The following PRDM10 variants were observed in gnomAD, a reference collection of about 807,000 sequenced individuals.
The protein encoded by PRDM10 is PR domain zinc finger protein 10.
Under a neutral mutation model 133.1 loss-of-function variants are expected in PRDM10, and 65 were observed. The ratio of observed to expected loss-of-function variants is 0.49; its 90% CI spans 0.40 to 0.60. The LOEUF is 0.60. Ranked by LOEUF, PRDM10 falls within the 20% of genes least tolerant of loss-of-function variation. PRDM10 has a pLI of 0.00. For missense variants in PRDM10, 1,137 were observed against 1,507.1 expected (o/e 0.75, Z 4.07); for synonymous variants, 582 against 580.4 (o/e 1.00, Z -0.04).
At position 129,946,267 on chromosome 11, in the gene PRDM10, A is replaced by T. The variant is rs972296579; in HGVS notation, c.520+878T>A. Reference sequence around the variant, plus strand: ...CCTGTCTCAAAATTAAAGAAAAAAAAACAAAAACAAACAAAAAGAAAAGAA... The same window carrying T: ...CCTGTCTCAAAATTAAAGAAAAAAATACAAAAACAAACAAAAAGAAAAGAA... On this transcript the variant is annotated intron_variant, in intron 5 of 20. Coordinates refer to ENST00000360871, the MANE Select transcript of PRDM10 (RefSeq NM_199437.2). Among the ~76,000 whole-genome samples the T allele has an allele frequency of 2.0e-5, 3 of 152,180 alleles. No homozygotes were observed. In the East Asian group the frequency reaches 5.8e-4, roughly 29 times the overall value.
intron 4 of PRDM10, among the ~76,000 whole-genome samples, chr11:129,954,647 C>T (rs890107415): frequency 2.6e-5 from 4 of 151,880 alleles, no homozygotes; most frequent in Non-Finnish European, 5.9e-5. Context: ...GTCACACTAC[C>T]TGACATGAAA....
At chr11:129,906,030 A>G (rs1303220847) in intron 19 of PRDM10, among the ~76,000 whole-genome samples, 1 of 152,208 alleles carries the variant, frequency 6.6e-6, no homozygotes, top group Admixed American at 6.5e-5. Flanking sequence ...ATACGTCACA[A>G]AGAGTTACCT....
chr11:129,905,183 G>A (rs1377349438), intron 20 of PRDM10, among the ~76,000 whole-genome samples: 1 of 152,054 alleles, frequency 6.6e-6, no homozygotes, highest in Admixed American at 6.5e-5. Context: ...CCAGCATGGT[G>A]AAACCCCATC....
At chr11:129,984,338 A>G (rs1323448376) in intron 1 of PRDM10, among the ~76,000 whole-genome samples, 3 of 152,210 alleles carry the variant, frequency 2.0e-5, no homozygotes, top group Non-Finnish European at 4.4e-5. Flanking sequence ...TTCTAGACTT[A>G]TATTTCAACA....
Position 129,957,857 on chromosome 11 carries a change from G to A in PRDM10, c.123C>T (p.Asp41=), listed in dbSNP as rs1471966820. The A allele has an allele frequency of 1.2e-6, 2 of 1,613,930 alleles. No homozygotes were observed. The highest frequency in any genetic ancestry group is 1.7e-6 in the Non-Finnish European group (2 of 1,179,966). Residue 41 remains aspartate (D), a synonymous_variant, in exon 3 of 21, where the codon GAC becomes GAT. Transcript: ENST00000360871. ...GTVAQIVYTD[D]QVRPPQQVVY... ...CCACCTGCTGTGGGGGGCGAACCTG[G>A]TCATCGGTATAGACAATCTGAGCCA...
chr11:129,958,469 C>T (rs559293149), intron 2 of PRDM10, among the ~76,000 whole-genome samples: 3 of 152,188 alleles, frequency 2.0e-5, no homozygotes, highest in East Asian at 1.9e-4. Context: ...TGGTGAAACC[C>T]TGTCTCTACT....
intron 17 of PRDM10, among the ~76,000 whole-genome samples, chr11:129,913,433 A>T (rs551832533): frequency 3.0e-4 from 45 of 152,160 alleles, no homozygotes; most frequent in South Asian, 6.2e-4. Context: ...GAGAGGGAAG[A>T]TAGTTCCTGA....
chr11:129,995,814 C>T (rs907552606), intron 1 of PRDM10, among the ~76,000 whole-genome samples: 4 of 151,974 alleles, frequency 2.6e-5, no homozygotes, highest in African/African-American at 9.7e-5. Context: ...GGTGTGATGG[C>T]GGGCTCCTGT....
At chr11:129,977,595 A>T (rs1255504545) in intron 1 of PRDM10, among the ~76,000 whole-genome samples, 1 of 152,048 alleles carries the variant, frequency 6.6e-6, no homozygotes, top group Admixed American at 6.6e-5. Context: ...CATTTTTTTT[A>T]ATTCCACTAA....
At chr11:129,992,555 G>A (rs1565516342) in intron 1 of PRDM10, among the ~76,000 whole-genome samples, 2 of 152,236 alleles carry the variant, frequency 1.3e-5, no homozygotes, top group African/African-American at 4.8e-5. Flanking sequence ...TGTTGTAGCC[G>A]TGCTCTCCCA....
At chr11:129,929,494 G>C (rs1292840388) in intron 11 of PRDM10, 3 of 1,332,478 alleles carry the variant, frequency 2.3e-6, no homozygotes, top group African/African-American at 3.0e-5. Flanking sequence ...CCTTCAGTTG[G>C]TCATTACCAA....
chr11:129,943,145 T>C (rs1276806709), intron 6 of PRDM10, among the ~76,000 whole-genome samples: 1 of 152,170 alleles, frequency 6.6e-6, no homozygotes, highest in Non-Finnish European at 1.5e-5. Context: ...CTTTCCTAGT[T>C]CTCTGGAGTG....
At chr11:129,964,509 C>T (rs1951865248) in intron 1 of PRDM10, among the ~76,000 whole-genome samples, 2 of 152,172 alleles carry the variant, frequency 1.3e-5, no homozygotes, top group Non-Finnish European at 2.9e-5. Flanking sequence ...TACATATATA[C>T]TCTCTCCCTC....
chr11:129,968,873 C>A (rs1220033611), intron 1 of PRDM10, among the ~76,000 whole-genome samples: 1 of 152,154 alleles, frequency 6.6e-6, no homozygotes, highest in Non-Finnish European at 1.5e-5. Context: ...AGAAACATAG[C>A]AAACGATGAG....
rs527528918 is a variant in PRDM10, at chr11:129,944,539, CG to C, written c.762+231del. Reference sequence around the variant, plus strand: ...GGCGGAGCTTGCAGTGAGCCGAGATCGCGCCACTGCACTCCAGCCTGGGCGA... The same window carrying C: ...GGCGGAGCTTGCAGTGAGCCGAGATCCGCCACTGCACTCCAGCCTGGGCGA... On this transcript the variant is annotated intron_variant, in intron 6 of 20. Coordinates refer to ENST00000360871, the MANE Select transcript of PRDM10 (RefSeq NM_199437.2). Among the ~76,000 whole-genome samples the C allele has an allele frequency of 3.4e-3, 512 of 150,526 alleles. 1 individual carries two copies. The highest frequency in any genetic ancestry group is 0.012 in the African/African-American group (482 of 40,862).
chr11:129,943,977 C>T (rs1171020372), intron 6 of PRDM10, among the ~76,000 whole-genome samples: 5 of 151,896 alleles, frequency 3.3e-5, no homozygotes, highest in African/African-American at 9.7e-5. Flanking sequence ...GGCAACAGAG[C>T]GAGGCTCCAT....
At chr11:129,975,027 AG>A (rs1223493611) in intron 1 of PRDM10, among the ~76,000 whole-genome samples, 1 of 152,170 alleles carries the variant, frequency 6.6e-6, no homozygotes, top group Non-Finnish European at 1.5e-5. Flanking sequence ...GCAGGGGAAC[AG>A]GGAGTTATTG....
At chr11:129,959,290 T>C (rs1312763310) in intron 2 of PRDM10, among the ~76,000 whole-genome samples, 1 of 152,262 alleles carries the variant, frequency 6.6e-6, no homozygotes, top group Non-Finnish European at 1.5e-5. Flanking sequence ...GTCTGGAAGA[T>C]AAAGTTTGTC....
chr11:129,926,749 G>A (rs1950690586), intron 11 of PRDM10, among the ~76,000 whole-genome samples: 1 of 152,264 alleles, frequency 6.6e-6, no homozygotes, highest in South Asian at 2.1e-4. Flanking sequence ...TTCAGGGGAT[G>A]TATCATACTT....
Sources: gnomAD v4.1 joint callset for allele counts (sites outside exome capture counted in the v4.1 genomes callset) on GRCh38, gnomAD v4.1.1 for gene constraint, MANE v1.5 for transcripts, NCBI Gene and HGNC (gene_info 2026-07-23, HGNC 2026-07-21) for gene names.